Variants in EPYC observed in about 807,000 individuals in gnomAD.
EPYC encodes dermatan sulfate proteoglycan 3.
Under a neutral mutation model 30.1 loss-of-function variants are expected in EPYC, and 28 were observed. The observed-to-expected ratio is 0.93, with a 90% confidence interval of 0.69 to 1.28. The LOEUF (loss-of-function observed/expected upper bound fraction) is 1.28. Among genes scored for constraint, EPYC ranks in the 50% most tolerant of loss-of-function variants. The pLI, the probability that EPYC is intolerant of heterozygous loss-of-function variation, is 0.00. For missense variants in EPYC, 382 were observed against 383.5 expected (o/e 1.00, Z 0.03); for synonymous variants, 144 against 141.4 (o/e 1.02, Z -0.13).
At chr12:91,003,445 C>CT (rs2120881221) in intron 1 of EPYC, among the ~76,000 whole-genome samples, 1 of 152,088 alleles carries the variant, frequency 6.6e-6, no homozygotes, top group Non-Finnish European at 1.5e-5. Flanking sequence ...TTATAGCCAT[C>CT]TTTGTTTTTT....
In EPYC at chr12:90,964,167, T is replaced by C. The variant is rs1381619695; in HGVS notation, c.958A>G (p.Ser320Gly). The change falls in exon 7 of 7, where the codon AGC becomes GGC. Residue 320 changes from serine to glycine, a missense_variant. Ser to Gly is a moderately conservative substitution (Grantham distance 56). Coordinates refer to ENST00000261172, the MANE Select transcript of EPYC (RefSeq NM_004950.5). ...ACCATTATCTGAAATTAGACAAGGC[T>C]CCCAACAGGCAGACGAGGTAGACAC... ...YMCLPRLPVGSLV is the reference protein window; with the variant it reads ...YMCLPRLPVGGLV 1 of 1,611,564 alleles carries C rather than the reference T, an allele frequency of 6.2e-7. No homozygotes were observed. The highest frequency in any genetic ancestry group is 1.1e-5 in the South Asian group (1 of 90,544).
intron 3 of EPYC, among the ~76,000 whole-genome samples, chr12:90,976,500 C>T (rs1592624879): frequency 6.6e-6 from 1 of 152,030 alleles, no homozygotes. Flanking sequence ...ACTATAAAAA[C>T]CCCACAAGTC....
chr12:90,991,700 G>T (rs562698932), intron 2 of EPYC, among the ~76,000 whole-genome samples: 4 of 152,202 alleles, frequency 2.6e-5, no homozygotes, highest in East Asian at 3.9e-4. Flanking sequence ...TATAGATGAG[G>T]AAAGCCAAAC....
chr12:90,980,240 T>A (rs1308660544), intron 2 of EPYC, among the ~76,000 whole-genome samples: 1 of 152,186 alleles, frequency 6.6e-6, no homozygotes, highest in Non-Finnish European at 1.5e-5. Context: ...TTGCACATAC[T>A]TTTTACAGAT....
chr12:90,983,486 C>T (rs542195793), intron 2 of EPYC, among the ~76,000 whole-genome samples: 8 of 152,220 alleles, frequency 5.3e-5, no homozygotes, highest in South Asian at 4.1e-4. Flanking sequence ...CCTGACTCTT[C>T]GGAGTTGAGA....
rs190729450 is a variant in EPYC at position 90,966,274 on chromosome 12, A to G, written c.799-1948T>C. Among the ~76,000 whole-genome samples the G allele has an allele frequency of 7.7e-3, 1,178 of 152,146 alleles. 7 individuals are homozygous for G. The highest frequency in any genetic ancestry group is 0.024 in the Middle Eastern group (7 of 294). On this transcript the variant is annotated intron_variant, in intron 6 of 6. Coordinates refer to ENST00000261172, the MANE Select transcript of EPYC (RefSeq NM_004950.5). ...ATTGAAGATGATGTTAGCCTGAGTT[A>G]TTTATAGATGTTCTTTATTGGATTG...
intron 2 of EPYC, among the ~76,000 whole-genome samples, chr12:90,990,398 A>C (rs1388575443): frequency 6.6e-6 from 1 of 152,144 alleles, no homozygotes; most frequent in Non-Finnish European, 1.5e-5. Context: ...GTGTTTACAA[A>C]GGATATCCCA....
chr12:90,963,972 C>A lies in EPYC; in HGVS notation c.*184G>T. 1 of 466,714 alleles carries A rather than the reference C, an allele frequency of 2.1e-6. No individual in the cohort carries two copies. Among genetic ancestry groups the A allele is most frequent in the East Asian group, 3.2e-5 (1 of 31,206 alleles). 28.9% of individuals were successfully genotyped at this position (466,714 alleles called of 1,614,324 possible). A position where few individuals can be genotyped will look rare whatever the true frequency, so the allele number is the denominator to read the frequency against. On this transcript the variant is annotated 3_prime_UTR_variant, in exon 7 of 7. Transcript: ENST00000261172. ...TTTTGTAAATGTTATAGGTTTATTC[C>A]TAACTCATCTGGTGTTTTCTTAAAT... is the stretch of plus-strand genomic sequence containing the variant.
chr12:90,987,149 A>T (rs140060506), intron 2 of EPYC, among the ~76,000 whole-genome samples: 4 of 152,270 alleles, frequency 2.6e-5, no homozygotes, highest in African/African-American at 9.6e-5. Context: ...ATTTACCTTG[A>T]TCAAAAATGC....
chr12:90,970,878 A>G (rs937129646), intron 5 of EPYC, among the ~76,000 whole-genome samples: 3 of 152,174 alleles, frequency 2.0e-5, no homozygotes, highest in African/African-American at 7.2e-5. Flanking sequence ...GTATTTTACA[A>G]TTACATGTTC....
chr12:90,964,411 G>T, intron 6 of EPYC, 85 bp from the exon 7 acceptor site: 1 of 944,018 alleles, frequency 1.1e-6, no homozygotes, highest in South Asian at 2.4e-5. Context: ...CTTCACCCTT[G>T]TTTTTATTCT....
chr12:90,979,616 T>C (rs576682738), intron 2 of EPYC, among the ~76,000 whole-genome samples: 60 of 152,194 alleles, frequency 3.9e-4, no homozygotes, highest in Non-Finnish European at 6.8e-4. Flanking sequence ...CAGTTTATAT[T>C]TCTGAATTGT....
rs370258914 is a variant in EPYC, at chr12:90,994,185, A to G, written c.165+8216T>C. Reference sequence around the variant, plus strand: ...AGCAAAAGATTGGTAAGTGGATCTAATGTGAACCCAAGCACAATGGGGTTA... The same window carrying G: ...AGCAAAAGATTGGTAAGTGGATCTAGTGTGAACCCAAGCACAATGGGGTTA... On this transcript the variant is annotated intron_variant, in intron 2 of 6. Transcript: ENST00000261172. Among the ~76,000 whole-genome samples, 6 of 152,136 alleles carry G rather than the reference A, an allele frequency of 3.9e-5. No individual in the cohort carries two copies. The East Asian group carries it at 5.8e-4, about 15-fold the overall frequency.
At chr12:90,974,697 T>C (rs1839254598) in intron 3 of EPYC, among the ~76,000 whole-genome samples, 1 of 152,056 alleles carries the variant, frequency 6.6e-6, no homozygotes, top group African/African-American at 2.4e-5. Context: ...GATATAGATG[T>C]AGGTAGATTA....
chr12:90,998,978 T>A (rs1877760473), intron 2 of EPYC, among the ~76,000 whole-genome samples: 1 of 152,088 alleles, frequency 6.6e-6, no homozygotes, highest in South Asian at 2.1e-4. Context: ...CTACATTCCT[T>A]ACCAAATTGG....
Position 91,004,251 on chromosome 12 carries a change from A to G in EPYC, c.-14+696T>C, listed in dbSNP as rs560061059. On this transcript the variant is annotated intron_variant, in intron 1 of 6. Coordinates refer to ENST00000261172, the MANE Select transcript of EPYC (RefSeq NM_004950.5). The stretch of plus-strand genomic sequence containing the variant: ...CTGGCCTTTTTTCTCACATCATACT[A>G]TATTTGATTACATATAGCTACATCT... Among the ~76,000 whole-genome samples the G allele has an allele frequency of 2.3e-3, 348 of 152,168 alleles. 2 individuals are homozygous for G. Among genetic ancestry groups the G allele is most frequent in the Non-Finnish European group, 4.3e-3 (293 of 67,990 alleles).
At chr12:90,978,343 T>TTGTCTGTCCTGTA in intron 2 of EPYC, 81 bp from the exon 3 acceptor site, 1 of 1,395,892 alleles carries the variant, frequency 7.2e-7, no homozygotes, top group Admixed American at 2.6e-5. Context: ...ATTTAAAATG[T>TTGTCTGTCCTGTA]ACCCATATTT....
In EPYC at chr12:90,975,482, T is replaced by A. The variant is rs1373473150; in HGVS notation, c.341-2502A>T. Among the ~76,000 whole-genome samples the A allele has an allele frequency of 2.0e-5, 3 of 152,086 alleles. No homozygotes were observed. The South Asian group carries it at 6.2e-4, about 31-fold the overall frequency. The stretch of plus-strand genomic sequence containing the variant: ...TTTTGATGAATGTGTGCCTCTTCTT[T>A]GGAAATTAAAAAGTGAGTTTGAGTT... On this transcript the variant is annotated intron_variant, in intron 3 of 6. Transcript: ENST00000261172.
At chr12:90,982,954 G>A (rs1877356334) in intron 2 of EPYC, among the ~76,000 whole-genome samples, 1 of 152,146 alleles carries the variant, frequency 6.6e-6, no homozygotes, top group Admixed American at 6.5e-5. Context: ...AAACATGAGA[G>A]TACAGATATA....
Sources: allele counts gnomAD v4.1 joint callset (sites outside exome capture counted in the v4.1 genomes callset), GRCh38; gene constraint gnomAD v4.1.1; transcripts MANE v1.5; gene names NCBI Gene and HGNC (gene_info 2026-07-23, HGNC 2026-07-21).